PCDH11X: variants seen among roughly 807,000 people sequenced by gnomAD.
PCDH11X encodes the protein protocadherin-11 X-linked.
In PCDH11X, 18 loss-of-function variants were observed where a neutral mutation model predicts 53.3. The ratio of observed to expected loss-of-function variants is 0.34; its 90% CI spans 0.23 to 0.50. The LOEUF is 0.50. Ranked by LOEUF, PCDH11X falls within the 20% of genes least tolerant of loss-of-function variation. The pLI, the probability that PCDH11X is intolerant of heterozygous loss-of-function variation, is 0.98. For synonymous variants in PCDH11X, 279 were observed against 393.3 expected (o/e 0.71, Z 3.44); for missense variants, 570 against 1,032.4 (o/e 0.55, Z 6.14).
chrX:92,234,379 G>A (rs1603220059), intron 7 of PCDH11X, among the ~76,000 whole-genome samples: 3 of 111,976 alleles, frequency 2.7e-5, no homozygotes, highest in South Asian at 7.4e-4. Context: ...ACCAGAAGAC[G>A]TGAAGTGGGC....
chrX:92,135,076 A>C (rs978501561), intron 6 of PCDH11X, among the ~76,000 whole-genome samples: 85 of 110,087 alleles, frequency 7.7e-4, no homozygotes, highest in African/African-American at 2.8e-3. Flanking sequence ...TTACAAATAA[A>C]TATATATATT....
At chrX:92,554,926 T>C (rs752768743) in intron 10 of PCDH11X, among the ~76,000 whole-genome samples, 2 of 111,594 alleles carry the variant, frequency 1.8e-5, no homozygotes, top group African/African-American at 6.5e-5. Flanking sequence ...AAGGTTATTC[T>C]TTGTTTCCTT....
chrX:91,781,532 G>T (rs1935144162), intron 1 of PCDH11X, among the ~76,000 whole-genome samples: 1 of 112,942 alleles, frequency 8.9e-6, no homozygotes, highest in Non-Finnish European at 1.9e-5. Flanking sequence ...GTACTTGCGG[G>T]CACCCGCGCA....
chrX:92,526,772 A>T (rs1449733295), intron 10 of PCDH11X, among the ~76,000 whole-genome samples: 1 of 100,564 alleles, frequency 9.9e-6, no homozygotes, highest in Non-Finnish European at 2.0e-5. Context: ...CAGCAATCCC[A>T]TTGCTTGATA....
intron 6 of PCDH11X, among the ~76,000 whole-genome samples, chrX:91,931,969 G>C (rs927664894): frequency 4.5e-5 from 5 of 110,901 alleles, no homozygotes; most frequent in Non-Finnish European, 7.6e-5. Context: ...TCATCCTGAT[G>C]CTCTCCCTCA....
intron 6 of PCDH11X, among the ~76,000 whole-genome samples, chrX:92,186,068 A>G (rs769421611): frequency 8.9e-6 from 1 of 112,012 alleles, no homozygotes; most frequent in East Asian, 2.8e-4. Context: ...CATGTTTATT[A>G]TAGCACTATA....
chrX:91,789,192 C>T lies in PCDH11X; in HGVS notation c.-379+9508C>T, dbSNP rs1252430370. The stretch of plus-strand genomic sequence containing the variant: ...ACTCCAGCCTGGCAACAGAGCAGGA[C>T]TCCGTCTCAAAAAAAAAAAAAAAAA... On this transcript the variant is annotated intron_variant, in intron 1 of 10. Coordinates refer to ENST00000682573, the MANE Select transcript of PCDH11X (RefSeq NM_032968.5). Among the ~76,000 whole-genome samples, 21 of 76,552 alleles carry T rather than the reference C, an allele frequency of 2.7e-4. No individual in the cohort carries two copies. In the East Asian group the frequency reaches 5.6e-3, roughly 20 times the overall value. The allele number at this position is 76,552 out of a possible 115,157, so 66.5% of individuals were successfully genotyped here. A position where few individuals can be genotyped will look rare whatever the true frequency, so the allele number is the denominator to read the frequency against.
intron 7 of PCDH11X, among the ~76,000 whole-genome samples, chrX:92,223,126 C>T (rs1031835538): frequency 8.9e-6 from 1 of 112,448 alleles, no homozygotes; most frequent in Non-Finnish European, 1.9e-5. Flanking sequence ...GCTGGGATTA[C>T]AGGCGTGAGC....
intron 5 of PCDH11X, among the ~76,000 whole-genome samples, chrX:91,858,260 C>T (rs1938462999): frequency 9.1e-6 from 1 of 110,383 alleles, no homozygotes; most frequent in Non-Finnish European, 1.9e-5. Context: ...CAGCAAGGCC[C>T]TGGTCCCAGC....
intron 6 of PCDH11X, among the ~76,000 whole-genome samples, chrX:92,063,615 G>A (rs923818111): frequency 3.6e-5 from 4 of 112,043 alleles, no homozygotes; most frequent in Non-Finnish European, 7.5e-5. Context: ...TTATTTGGAT[G>A]TGAGAAAACA....
chrX:92,606,897 A>T (rs1340066104), intron 10 of PCDH11X, among the ~76,000 whole-genome samples: 11 of 110,564 alleles, frequency 9.9e-5, no homozygotes, highest in African/African-American at 3.6e-4. Context: ...ATATAAACAA[A>T]TTACTAGTAA....
chrX:92,191,989 A>C (rs1218954707), intron 6 of PCDH11X, among the ~76,000 whole-genome samples: 2 of 111,603 alleles, frequency 1.8e-5, no homozygotes, highest in Non-Finnish European at 3.8e-5. Context: ...TGAATACATA[A>C]ATTTTCTAAA....
At position 92,002,916 on chromosome X, in the gene PCDH11X, C is replaced by G. The variant is rs1479346304; in HGVS notation, c.3033+123643C>G. Among the ~76,000 whole-genome samples, 12 of 101,741 alleles carry G rather than the reference C, an allele frequency of 1.2e-4. No homozygotes were observed. The South Asian group carries it at 5.1e-3, about 43-fold the overall frequency. 88.3% of individuals were successfully genotyped at this position (101,741 alleles called of 115,157 possible). On this transcript the variant is annotated intron_variant, in intron 6 of 10. Transcript: ENST00000682573. ...TGGCTCATTGCTCCAGCTGGAACTTCCAGTGCTATGTTGAATAACAGTAGT... is the reference window on the plus strand; with the variant it reads ...TGGCTCATTGCTCCAGCTGGAACTTGCAGTGCTATGTTGAATAACAGTAGT...
rs1418113776 is a variant in PCDH11X, at chrX:91,926,791, T to C, written c.3033+47518T>C. 7.2e-5 allele frequency among the ~76,000 whole-genome samples: 8 copies of C among 111,366 alleles called. No homozygotes were observed. In the Admixed American group the frequency reaches 7.7e-4, roughly 11 times the overall value. On this transcript the variant is annotated intron_variant, in intron 6 of 10. Coordinates refer to ENST00000682573, the MANE Select transcript of PCDH11X (RefSeq NM_032968.5). ...ATCAGGGTCATTAGCATATTTATAA[T>C]CTCAAACAGTTATCATTTCTTTGTG...
intron 6 of PCDH11X, among the ~76,000 whole-genome samples, chrX:92,131,369 G>A (rs1424871140): frequency 3.6e-5 from 4 of 111,342 alleles, no homozygotes; most frequent in East Asian, 2.8e-4. Flanking sequence ...ATTTACTTAC[G>A]TGAAACACAG....
chrX:92,078,309 A>G (rs2063806474), intron 6 of PCDH11X, among the ~76,000 whole-genome samples: 1 of 111,275 alleles, frequency 9.0e-6, no homozygotes, highest in South Asian at 3.8e-4. Context: ...TAGTACAGAA[A>G]GCTTAAATCT....
At chrX:92,392,422 A>G (rs1355888418) in intron 9 of PCDH11X, among the ~76,000 whole-genome samples, 1 of 110,457 alleles carries the variant, frequency 9.1e-6, no homozygotes, top group Non-Finnish European at 1.9e-5. Flanking sequence ...ATTCACAACA[A>G]GGAAGTAATT....
At chrX:92,436,886 G>A (rs1173276848) in intron 9 of PCDH11X, among the ~76,000 whole-genome samples, 6 of 106,028 alleles carry the variant, frequency 5.7e-5, no homozygotes, top group Admixed American at 1.0e-4. Context: ...GTACCTGGGC[G>A]ACAAAATAAT....
intron 6 of PCDH11X, among the ~76,000 whole-genome samples, chrX:91,882,463 T>C (rs1350460490): frequency 1.8e-5 from 2 of 111,399 alleles, no homozygotes; most frequent in African/African-American, 6.5e-5. Flanking sequence ...TTGTGAAGAC[T>C]ATACATTTTA....
Sources: gnomAD v4.1 joint callset for allele counts (sites outside exome capture counted in the v4.1 genomes callset) on GRCh38, gnomAD v4.1.1 for gene constraint, MANE v1.5 for transcripts, NCBI Gene and HGNC (gene_info 2026-07-23, HGNC 2026-07-21) for gene names.